Variants in JADE1 observed in about 807,000 individuals in gnomAD.
JADE1 encodes jade family PHD finger 1.
JADE1 carries 14 observed loss-of-function variants against 81.8 expected under a neutral mutation model. The ratio of observed to expected loss-of-function variants is 0.17; its 90% CI spans 0.11 to 0.27. The LOEUF (loss-of-function observed/expected upper bound fraction) is 0.27, where lower values mean the gene tolerates loss of function less well. Ranked by LOEUF, JADE1 falls within the 10% of genes least tolerant of loss-of-function variation. JADE1 has a pLI of 1.00. For missense variants in JADE1, 690 were observed against 1,047.9 expected (o/e 0.66, Z 4.71); for synonymous variants, 353 against 391.9 (o/e 0.90, Z 1.17).
chr4:128,822,964 TA>T (rs1037514142), intron 1 of JADE1, among the ~76,000 whole-genome samples: 6 of 152,216 alleles, frequency 3.9e-5, no homozygotes, highest in Admixed American at 3.3e-4. Context: ...TTTTCTCCCC[TA>T]ATATGTCTTG....
intron 7 of JADE1, among the ~76,000 whole-genome samples, chr4:128,856,480 A>G (rs540454544): frequency 1.3e-5 from 2 of 152,258 alleles, no homozygotes; most frequent in Admixed American, 1.3e-4. Context: ...TCAGCTGTAC[A>G]TCCTGTGTGT....
Position 128,861,946 on chromosome 4 carries a change from G to A in JADE1, c.1224G>A (p.Glu408=), listed in dbSNP as rs746771810. The A allele has an allele frequency of 6.2e-7, 1 of 1,614,168 alleles. No individual in the cohort carries two copies. Among genetic ancestry groups the A allele is most frequent in the Admixed American group, 1.7e-5 (1 of 60,028 alleles). ...EPFASLEQNR[E]EAHRVSVRKQ... is the part of the protein sequence containing the mutation. ...TTGCCAGCCTTGAGCAGAACCGGGA[G>A]GAGGCCCACCGGGTGAGTGTCCGTA... is the stretch of plus-strand genomic sequence containing the variant. The change falls in exon 9 of 11, where the codon GAG becomes GAA. Residue 408 remains glutamate, a synonymous_variant. Transcript: ENST00000226319.
intron 7 of JADE1, 97 bp downstream of exon 7, chr4:128,855,894 A>G (rs1730753973): frequency 9.2e-7 from 1 of 1,086,386 alleles, no homozygotes; most frequent in African/African-American, 1.6e-5. Context: ...ATCATGGCTC[A>G]CTGCAGCCTT....
At position 128,832,565 on chromosome 4, in the gene JADE1, G is replaced by A. The variant is rs557028152; in HGVS notation, c.52+755G>A. Among the ~76,000 whole-genome samples, 7 of 152,312 alleles carry A rather than the reference G, an allele frequency of 4.6e-5. No individual in the cohort carries two copies. The South Asian group carries it at 8.3e-4, about 18-fold the overall frequency. On this transcript the variant is annotated intron_variant, in intron 2 of 10. Coordinates refer to ENST00000226319, the MANE Select transcript of JADE1 (RefSeq NM_199320.4). ...AAGAATGTGTGATGGGAAAGGAGCT[G>A]GGCCTGCTTTCAAGGAACTCTGCTT...
Position 128,831,772 on chromosome 4 carries a change from G to T in JADE1, c.14G>T (p.Arg5Leu). Residue 5 changes from arginine to leucine, a missense_variant, in exon 2 of 11, where the codon CGC becomes CTC. This residue lies in a region of JADE1 where 59 missense variants were observed against 52.8 expected (regional missense o/e 1.12). Coordinates refer to ENST00000226319, the MANE Select transcript of JADE1 (RefSeq NM_199320.4). MKRG[R>L]LPSSSEDSDD... Reference sequence around the variant, plus strand: ...CCCGGGGAGATCATGAAACGAGGTCGCCTTCCCAGCAGCAGTGAGGATTCT... The same window carrying T: ...CCCGGGGAGATCATGAAACGAGGTCTCCTTCCCAGCAGCAGTGAGGATTCT... 2 of 1,614,124 alleles carry T rather than the reference G, an allele frequency of 1.2e-6. No individual in the cohort carries two copies. The highest frequency in any genetic ancestry group is 1.6e-4 in the Middle Eastern group (1 of 6,062).
At chr4:128,862,439 T>C in intron 9 of JADE1, 1 of 539,300 alleles carries the variant, frequency 1.9e-6, no homozygotes, top group Non-Finnish European at 2.6e-6. Flanking sequence ...TTCTTTGTGG[T>C]TTTTTTTTTT....
At chr4:128,863,094 A>C (rs1335753817) in intron 9 of JADE1, 47 of 985,588 alleles carry the variant, frequency 4.8e-5, no homozygotes, top group Non-Finnish European at 5.7e-5. Context: ...GCCGAGCCTC[A>C]GCTGCTGGCA....
intron 6 of JADE1, among the ~76,000 whole-genome samples, chr4:128,855,087 G>A (rs147482429): frequency 5.3e-5 from 8 of 152,160 alleles, no homozygotes; most frequent in Admixed American, 2.0e-4. Context: ...CTTAGCCTAG[G>A]GAGTGTGCAT....
intron 6 of JADE1, 59 bp from the exon 7 acceptor site, chr4:128,855,570 TG>T (rs1222060743): frequency 6.9e-7 from 1 of 1,454,410 alleles, no homozygotes; most frequent in Non-Finnish European, 9.3e-7. Flanking sequence ...ATAGATATAA[TG>T]GGAAAAATAA....
At chr4:128,812,364 C>T (rs939837153) in intron 1 of JADE1, among the ~76,000 whole-genome samples, 13 of 151,172 alleles carry the variant, frequency 8.6e-5, no homozygotes, top group African/African-American at 3.2e-4. Flanking sequence ...CGCGGCCCTG[C>T]GCATTCCCCG....
intron 1 of JADE1, among the ~76,000 whole-genome samples, chr4:128,831,067 T>G (rs1010498093): frequency 6.6e-6 from 1 of 152,214 alleles, no homozygotes; most frequent in African/African-American, 2.4e-5. Flanking sequence ...CAACGTGACC[T>G]TGGGGAAGTT....
intron 9 of JADE1, chr4:128,863,788 T>C: frequency 1.0e-6 from 1 of 985,522 alleles, no homozygotes; most frequent in Non-Finnish European, 1.2e-6. Flanking sequence ...GAAGCCTTTA[T>C]GCCAGCCCGA....
At chr4:128,835,221 C>G (rs1728886905) in intron 2 of JADE1, among the ~76,000 whole-genome samples, 1 of 152,148 alleles carries the variant, frequency 6.6e-6, no homozygotes. Flanking sequence ...GGTTGGCTGT[C>G]CTTTTGTCAT....
intron 2 of JADE1, among the ~76,000 whole-genome samples, chr4:128,841,966 C>T (rs151072924): frequency 1.4e-4 from 22 of 152,180 alleles, no homozygotes; most frequent in African/African-American, 5.1e-4. Flanking sequence ...TGTTAGGCAG[C>T]AGTTAGGTAC....
intron 6 of JADE1, 122 bp from the exon 7 acceptor site, chr4:128,855,508 G>A (rs948157803): frequency 3.2e-5 from 33 of 1,035,132 alleles, no homozygotes; most frequent in African/African-American, 4.8e-5. Flanking sequence ...CTGTGGGAGC[G>A]TCTCTGCTTT....
chr4:128,857,584 CA>C, intron 8 of JADE1, 130 bp downstream of exon 8: 1 of 705,746 alleles, frequency 1.4e-6, no homozygotes. Flanking sequence ...ACGAGGTTCC[CA>C]AGGGGTGACT....
At chr4:128,817,890 A>G (rs559369428) in intron 1 of JADE1, among the ~76,000 whole-genome samples, 4 of 152,260 alleles carry the variant, frequency 2.6e-5, no homozygotes, top group East Asian at 1.9e-4. Flanking sequence ...CACTGTTACC[A>G]TGTATTGTAG....
At position 128,871,451 on chromosome 4, in the gene JADE1, A is replaced by G; in HGVS notation, c.1718A>G (p.Lys573Arg). ...GPDAPKIEDL[K>R]WHSAFFRKQM... ...GATGCTCCCAAGATAGAGGACTTGAAGTGGCATTCTGCATTCTTCAGAAAA... is the reference window on the plus strand; with the variant it reads ...GATGCTCCCAAGATAGAGGACTTGAGGTGGCATTCTGCATTCTTCAGAAAA... Residue 573 changes from lysine to arginine, a missense_variant, in exon 11 of 11, where the codon AAG becomes AGG. By Grantham distance (26) the Lys-to-Arg change is conservative. Coordinates refer to ENST00000226319, the MANE Select transcript of JADE1 (RefSeq NM_199320.4). This position sits in a 1 kb window ranked among gnomAD's most constrained non-coding sequence, Gnocchi z 4.1. 1.2e-6 allele frequency: 2 copies of G among 1,614,200 alleles called. No homozygotes were observed. Among genetic ancestry groups the G allele is most frequent in the Non-Finnish European group, 1.7e-6 (2 of 1,180,038 alleles).
chr4:128,812,703 C>G (rs1726579163), intron 1 of JADE1, among the ~76,000 whole-genome samples: 1 of 152,214 alleles, frequency 6.6e-6, no homozygotes, highest in Non-Finnish European at 1.5e-5. Flanking sequence ...CCTTCGAAAC[C>G]CGTTAGGAAT....
Sources: allele counts gnomAD v4.1 joint callset (sites outside exome capture counted in the v4.1 genomes callset), GRCh38; gene constraint gnomAD v4.1.1; regional missense constraint gnomAD v4.1.1; non-coding constraint Gnocchi (gnomAD v3.1); transcripts MANE v1.5; gene names NCBI Gene and HGNC (gene_info 2026-07-23, HGNC 2026-07-21).